Variants in MAF observed in about 807,000 individuals in gnomAD.
MAF encodes the protein transcription factor Maf.
In MAF, 10 loss-of-function variants were observed where a neutral mutation model predicts 22.0. The ratio of observed to expected loss-of-function variants is 0.45; its 90% CI spans 0.28 to 0.77. The LOEUF (loss-of-function observed/expected upper bound fraction) is 0.77. Among genes scored for constraint, MAF ranks in the 30% least tolerant of loss-of-function variants. The pLI, the probability that MAF is intolerant of heterozygous loss-of-function variation, is 0.12. For missense variants in MAF, 544 were observed against 548.4 expected, an observed-to-expected ratio of 0.99 and a Z score of 0.08; for synonymous variants, 337 against 255.8, an observed-to-expected ratio of 1.32 and a Z score of -3.03.
At chr16:79,211,843 C>T in the MAF span, 2 of 1,611,076 alleles carry the variant, frequency 1.2e-6, no homozygotes, top group South Asian at 1.1e-5. Context: ...TGTGTGTGTC[C>T]CCTCACGCAA....
At chr16:79,426,549 C>A in the MAF span, among the ~76,000 whole-genome samples, 1 of 152,166 alleles carries the variant, frequency 6.6e-6, no homozygotes, top group South Asian at 2.1e-4. Flanking sequence ...GCTCAGTTTA[C>A]CTGTATCAGG....
the MAF span, among the ~76,000 whole-genome samples, chr16:79,258,599 C>T: frequency 6.6e-6 from 1 of 152,204 alleles, no homozygotes; most frequent in African/African-American, 2.4e-5. Flanking sequence ...CCATTTATCC[C>T]ACTCTCCTCC....
At chr16:79,402,416 C>T in the MAF span, among the ~76,000 whole-genome samples, 2 of 152,218 alleles carry the variant, frequency 1.3e-5, no homozygotes, top group African/African-American at 4.8e-5. Context: ...TTCAGGCCCA[C>T]ACCTAGCCCT....
At chr16:79,583,961 T>C (rs986730397), downstream of MAF, among the ~76,000 whole-genome samples, 1 of 152,192 alleles carries the variant, frequency 6.6e-6, no homozygotes, top group Non-Finnish European at 1.5e-5. Flanking sequence ...TGTGCGTATG[T>C]TAAGCTGTAA....
the MAF span, among the ~76,000 whole-genome samples, chr16:79,457,458 T>G: frequency 2.7e-5 from 4 of 148,560 alleles, no homozygotes; most frequent in African/African-American, 9.9e-5. Flanking sequence ...CGACTAATAA[T>G]AATACTAAAA....
the MAF span, among the ~76,000 whole-genome samples, chr16:79,551,039 G>A: frequency 1.0e-3 from 152 of 152,252 alleles, no homozygotes; most frequent in Non-Finnish European, 2.1e-4. Flanking sequence ...CACCTACTAT[G>A]CACAGGTTCT....
chr16:79,260,553 G>A, the MAF span, among the ~76,000 whole-genome samples: 2 of 151,598 alleles, frequency 1.3e-5, no homozygotes, highest in African/African-American at 4.9e-5. Flanking sequence ...TGAGAGCAGG[G>A]ATTTCACCAT....
the MAF span, among the ~76,000 whole-genome samples, chr16:79,512,153 A>G: frequency 2.6e-5 from 4 of 152,162 alleles, no homozygotes; most frequent in South Asian, 8.3e-4. Context: ...GTTTTTCTTT[A>G]TCTTGAAAGA....
chr16:79,412,076 T>C, the MAF span, among the ~76,000 whole-genome samples: 1 of 152,174 alleles, frequency 6.6e-6, no homozygotes, highest in African/African-American at 2.4e-5. Flanking sequence ...AGAGTGAGTG[T>C]TTTCTAAATG....
the MAF span, among the ~76,000 whole-genome samples, chr16:79,265,578 G>T: frequency 6.6e-6 from 1 of 152,108 alleles, no homozygotes; most frequent in African/African-American, 2.4e-5. Flanking sequence ...CTATGATAAA[G>T]ATTAATTTAA....
the MAF span, among the ~76,000 whole-genome samples, chr16:79,328,108 A>G: frequency 1.3e-5 from 2 of 152,214 alleles, no homozygotes; most frequent in African/African-American, 4.8e-5. Context: ...TCCCTGCAGC[A>G]TGCATTAAGA....
At chr16:79,529,454 T>C in the MAF span, among the ~76,000 whole-genome samples, 569 of 152,328 alleles carry the variant, frequency 3.7e-3, 1 homozygote, top group African/African-American at 0.013. Context: ...ATCTACATAC[T>C]ATTTTAGTAA....
the MAF span, among the ~76,000 whole-genome samples, chr16:79,533,229 T>C: frequency 1.3e-5 from 2 of 152,208 alleles, no homozygotes; most frequent in African/African-American, 4.8e-5. Context: ...GTTGCTCATA[T>C]TTTTTAAAGG....
At chr16:79,542,712 G>C in the MAF span, among the ~76,000 whole-genome samples, 1 of 152,156 alleles carries the variant, frequency 6.6e-6, no homozygotes, top group Non-Finnish European at 1.5e-5. Flanking sequence ...TGGGTTTCCT[G>C]GACTGGGAGG....
In MAF at chr16:79,599,381, C is replaced by G; in HGVS notation, c.522G>C (p.Gln174His). ...GGTGGTAGTGCGGGCCCGCGCCGCT[C>G]TGCGCGGCGGCCGCGGCGATCACGG... is the stretch of plus-strand genomic sequence containing the variant. ...VSAVIAAAAA[Q>H]SGAGPHYHHH... is the part of the protein sequence containing the mutation. Residue 174 changes from glutamine to histidine, a missense_variant, in exon 1 of 2, where the codon CAG becomes CAC. Gln to His is a conservative substitution (Grantham distance 24). Around this residue, in one of 5 missense-constraint regions of MAF, gnomAD observed 342 missense variants for 315.5 expected, o/e 1.08. Coordinates refer to ENST00000326043, the MANE Select transcript of MAF (RefSeq NM_005360.5). The G allele has an allele frequency of 9.9e-7, 1 of 1,013,818 alleles. No homozygotes were observed. The highest frequency in any genetic ancestry group is 1.2e-6 in the Non-Finnish European group (1 of 850,660). The allele number at this position is 1,013,818 out of a possible 1,614,324, so 62.8% of individuals were successfully genotyped here.
chr16:79,416,706 G>A, the MAF span, among the ~76,000 whole-genome samples: 4 of 152,162 alleles, frequency 2.6e-5, no homozygotes, highest in African/African-American at 9.7e-5. Flanking sequence ...TCTGTCCAAG[G>A]CCAAGAAATG....
chr16:79,207,959 T>A, the MAF span, among the ~76,000 whole-genome samples: 1 of 152,284 alleles, frequency 6.6e-6, no homozygotes, highest in East Asian at 1.9e-4. Flanking sequence ...AACACCGAGT[T>A]TTGGAAGGAT....
chr16:79,415,428 TG>T, the MAF span, among the ~76,000 whole-genome samples: 1 of 151,506 alleles, frequency 6.6e-6, no homozygotes, highest in African/African-American at 2.4e-5. Context: ...GAAGGAAAAT[TG>T]TTGGGTGGTT....
At chr16:79,394,079 G>A in the MAF span, among the ~76,000 whole-genome samples, 1 of 152,112 alleles carries the variant, frequency 6.6e-6, no homozygotes, top group Non-Finnish European at 1.5e-5. Flanking sequence ...TAAAGTTCAC[G>A]TTCTTCACCG....
Sources: allele counts gnomAD v4.1 joint callset (sites outside exome capture counted in the v4.1 genomes callset), GRCh38; gene constraint gnomAD v4.1.1; regional missense constraint gnomAD v4.1.1; transcripts MANE v1.5; gene names NCBI Gene and HGNC (gene_info 2026-07-23, HGNC 2026-07-21).